The following SDCBP variants were observed in gnomAD, a reference collection of about 807,000 sequenced individuals.
SDCBP encodes syntenin-1.
A neutral mutation model predicts 30.5 loss-of-function variants in SDCBP; 22 were observed. The ratio of observed to expected loss-of-function variants is 0.72; its 90% CI spans 0.52 to 1.03. The LOEUF (loss-of-function observed/expected upper bound fraction) is 1.03. SDCBP is among the 50% of genes least tolerant of loss of function. The probability of loss-of-function intolerance (pLI) is 0.00; values close to 1 mark genes in which losing one functional copy is unlikely to be tolerated. For synonymous variants in SDCBP, 103 were observed against 118.7 expected, an observed-to-expected ratio of 0.87 and a Z score of 0.86; for missense variants, 304 against 369.9, an observed-to-expected ratio of 0.82 and a Z score of 1.46.
At position 58,581,674 on chromosome 8, in the gene SDCBP, C is replaced by T. The variant is rs1805693319; in HGVS notation, c.843-12C>T. ...AGAATCTCGGTATATAATAAAAGTA[C>T]CTCTCTTGTAGGATGGCACCAAGCA... On this transcript the variant is annotated splice_polypyrimidine_tract_variant and intron_variant, in intron 8 of 8. Coordinates refer to ENST00000260130, the MANE Select transcript of SDCBP (RefSeq NM_005625.4). 1.2e-6 allele frequency: 2 copies of T among 1,604,740 alleles called. No individual in the cohort carries two copies. The highest frequency in any genetic ancestry group is 1.1e-5 in the South Asian group (1 of 90,754).
chr8:58,580,715 G>A lies in SDCBP; in HGVS notation c.842+107G>A, dbSNP rs961055630. ...TTCTTTTACCCAAGGAATGGATACTGGTGTTTTATCTAGAAATTTGAAGTA... is the reference window on the plus strand; with the variant it reads ...TTCTTTTACCCAAGGAATGGATACTAGTGTTTTATCTAGAAATTTGAAGTA... On this transcript the variant is annotated intron_variant, in intron 8 of 8. Coordinates refer to ENST00000260130, the MANE Select transcript of SDCBP (RefSeq NM_005625.4). 1.7e-5 allele frequency: 11 copies of A among 654,408 alleles called. No homozygotes were observed. In the African/African-American group the frequency reaches 1.9e-4, roughly 11 times the overall value. 40.5% of individuals were successfully genotyped at this position (654,408 alleles called of 1,614,324 possible). A position where few individuals can be genotyped will look rare whatever the true frequency, so the allele number is the denominator to read the frequency against.
intron 4 of SDCBP, among the ~76,000 whole-genome samples, chr8:58,574,557 C>T (rs944781081): frequency 1.3e-5 from 2 of 151,986 alleles, no homozygotes; most frequent in African/African-American, 4.8e-5. Flanking sequence ...CTTCAGTGCG[C>T]CGCCTTTTAT....
intron 1 of SDCBP, among the ~76,000 whole-genome samples, chr8:58,558,490 C>A (rs1454481923): frequency 6.6e-6 from 1 of 152,092 alleles, no homozygotes; most frequent in East Asian, 1.9e-4. Context: ...TCCATGTTGC[C>A]CAAGCTGGTC....
chr8:58,580,383 C>T (rs1688367886), intron 7 of SDCBP, 134 bp from the exon 8 acceptor site: 1 of 585,930 alleles, frequency 1.7e-6, no homozygotes. Context: ...TACAATTAAA[C>T]TTGGTAAGAA....
At chr8:58,580,407 T>C (rs1379721731) in intron 7 of SDCBP, 110 bp from the exon 8 acceptor site, 6 of 614,496 alleles carry the variant, frequency 9.8e-6, no homozygotes, top group Admixed American at 3.1e-5. Context: ...CTAGAAAAAA[T>C]TAGAAATACC....
intron 7 of SDCBP, chr8:58,580,099 G>A: frequency 6.6e-6 from 2 of 302,370 alleles, no homozygotes; most frequent in Non-Finnish European, 1.2e-5. Flanking sequence ...GGAATATAAG[G>A]AAATGAATAA....
chr8:58,570,927 T>C lies in SDCBP; in HGVS notation c.92T>C (p.Ile31Thr), dbSNP rs1804977878. 3.1e-6 allele frequency: 5 copies of C among 1,613,434 alleles called. No individual in the cohort carries two copies. Among genetic ancestry groups the C allele is most frequent in the Non-Finnish European group, 4.2e-6 (5 of 1,179,564 alleles). Residue 31 changes from isoleucine (I) to threonine (T), a missense_variant, in exon 3 of 9, where the codon ATT becomes ACT. Transcript: ENST00000260130. ...TCTGCAAACCCTGCCAATCCAGCAA[T>C]TTTGTCAGAAGCTTCTGCTCCTATC... ...AFSANPANPAILSEASAPIPH... is the reference protein window; with the variant it reads ...AFSANPANPATLSEASAPIPH...
chr8:58,573,459 T>C (rs1353496843), intron 4 of SDCBP, among the ~76,000 whole-genome samples: 2 of 152,158 alleles, frequency 1.3e-5, no homozygotes, highest in African/African-American at 4.8e-5. Flanking sequence ...AGCTAGCTGC[T>C]TCTCCTAGGA....
At chr8:58,570,782 A>G (rs1360620379) in intron 2 of SDCBP, 105 bp from the exon 3 acceptor site, 11 of 718,746 alleles carry the variant, frequency 1.5e-5, no homozygotes, top group Non-Finnish European at 1.6e-5. Flanking sequence ...ATAAATCTTC[A>G]TTGTTTTAGT....
Position 58,579,638 on chromosome 8 carries a change from G to A in SDCBP, c.594G>A (p.Thr198=), listed in dbSNP as rs34796230. 8.2e-4 allele frequency: 1,289 copies of A among 1,581,438 alleles called. 7 individuals carry two copies. The African/African-American group carries it at 0.016, about 20-fold the overall frequency. ...ATGTTTGTAGGCCCTTTGAACGGAC[G>A]ATTACCATGCATAAGGATAGCACTG... ...MTIRDRPFER[T]ITMHKDSTGH... The change falls in exon 7 of 9, where the codon ACG becomes ACA. Residue 198 remains threonine (T), a synonymous_variant. Coordinates refer to ENST00000260130, the MANE Select transcript of SDCBP (RefSeq NM_005625.4).
chr8:58,576,515 T>C (rs189820766), intron 5 of SDCBP: 3 of 152,676 alleles, frequency 2.0e-5, no homozygotes, highest in African/African-American at 7.3e-5. Flanking sequence ...CCCGGATGTG[T>C]GTGCATTTTT....
chr8:58,570,047 C>T (rs939819288), intron 2 of SDCBP, among the ~76,000 whole-genome samples: 1 of 152,038 alleles, frequency 6.6e-6, no homozygotes, highest in African/African-American at 2.4e-5. Flanking sequence ...GATACATTTC[C>T]AATAAAGTAA....
In SDCBP at chr8:58,565,001, CT is replaced by C. The variant is rs1249571345; in HGVS notation, c.-15-15del. ...TTTCTATGACATTAGAGTAATAAAA[CT>C]TTCTTTTTTTCTTTAGAAGAATCCT... is the stretch of plus-strand genomic sequence containing the variant. On this transcript the variant is annotated splice_polypyrimidine_tract_variant and intron_variant, in intron 1 of 8. Transcript: ENST00000260130. 5 of 1,491,982 alleles carry C rather than the reference CT, an allele frequency of 3.4e-6. No homozygotes were observed. In the East Asian group the frequency reaches 1.2e-4, roughly 34 times the overall value. 92.4% of individuals were successfully genotyped at this position (1,491,982 alleles called of 1,614,324 possible).
chr8:58,572,411 A>G (rs1805079785), intron 4 of SDCBP, 97 bp downstream of exon 4: 5 of 742,218 alleles, frequency 6.7e-6, no homozygotes, highest in Non-Finnish European at 1.1e-5. Flanking sequence ...ATATACTACT[A>G]GCATTGAACC....
At chr8:58,568,477 G>A (rs1038397551) in intron 2 of SDCBP, among the ~76,000 whole-genome samples, 2 of 152,020 alleles carry the variant, frequency 1.3e-5, no homozygotes, top group Non-Finnish European at 2.9e-5. Context: ...AACTTTTTTT[G>A]TAAGTAGAAG....
chr8:58,559,691 A>G (rs1468556662), intron 1 of SDCBP, among the ~76,000 whole-genome samples: 1 of 152,230 alleles, frequency 6.6e-6, no homozygotes, highest in Non-Finnish European at 1.5e-5. Flanking sequence ...AGCAGCAAGA[A>G]GGTGCAATAG....
chr8:58,567,320 T>A (rs1391887014), intron 2 of SDCBP, among the ~76,000 whole-genome samples: 2 of 152,204 alleles, frequency 1.3e-5, no homozygotes, highest in Non-Finnish European at 2.9e-5. Context: ...ACAATAGCAA[T>A]GAAAGAACAG....
rs753370023 is a variant in SDCBP, at chr8:58,579,633, C to A, written c.589C>A (p.Arg197=). 1 of 1,564,270 alleles carries A rather than the reference C, an allele frequency of 6.4e-7. No homozygotes were observed. The highest frequency in any genetic ancestry group is 2.3e-5 in the East Asian group (1 of 43,260). ...CAATTATGTTTGTAGGCCCTTTGAACGGACGATTACCATGCATAAGGATAG... is the reference window on the plus strand; with the variant it reads ...CAATTATGTTTGTAGGCCCTTTGAAAGGACGATTACCATGCATAAGGATAG... ...TMTIRDRPFE[R]TITMHKDSTG... Residue 197 remains arginine (R), a synonymous_variant, in exon 7 of 9, where the codon CGG becomes AGG. Coordinates refer to ENST00000260130, the MANE Select transcript of SDCBP (RefSeq NM_005625.4).
intron 2 of SDCBP, among the ~76,000 whole-genome samples, chr8:58,566,058 G>C (rs1804694567): frequency 6.6e-6 from 1 of 152,050 alleles, no homozygotes; most frequent in East Asian, 1.9e-4. Flanking sequence ...CTACAGTTCA[G>C]CTGCCAAGGC....
Sources: gnomAD v4.1 joint callset for allele counts (sites outside exome capture counted in the v4.1 genomes callset) on GRCh38, gnomAD v4.1.1 for gene constraint, MANE v1.5 for transcripts, NCBI Gene and HGNC (gene_info 2026-07-23, HGNC 2026-07-21) for gene names.